Variants in YTHDC1 observed in about 807,000 individuals in gnomAD.
The protein encoded by YTHDC1 is YTH N6-methyladenosine RNA binding protein C1, also known as YTH domain-containing protein 1.
YTHDC1 carries 12 observed loss-of-function variants against 107.0 expected under a neutral mutation model. That is an observed-to-expected ratio of 0.11 (90% confidence interval 0.07 to 0.18). The LOEUF (loss-of-function observed/expected upper bound fraction) is 0.18. YTHDC1 is among the 10% of genes least tolerant of loss of function. The pLI, the probability that YTHDC1 is intolerant of heterozygous loss-of-function variation, is 1.00. For missense variants in YTHDC1, 635 were observed against 898.8 expected (o/e 0.71, Z 3.75); for synonymous variants, 280 against 289.5 (o/e 0.97, Z 0.33).
In YTHDC1 at chr4:68,338,423, AT is replaced by A. The variant is rs747447193; in HGVS notation, c.29-40del. 2.7e-6 allele frequency: 4 copies of A among 1,469,646 alleles called. No homozygotes were observed. In the African/African-American group the frequency reaches 5.7e-5, roughly 21 times the overall value. 91.0% of individuals were successfully genotyped at this position (1,469,646 alleles called of 1,614,324 possible). A position where few individuals can be genotyped will look rare whatever the true frequency, so the allele number is the denominator to read the frequency against. ...TAAAAATTAATAGGGAAAAATCACT[AT>A]CATTGAACATGTATTTTTGAGTACT... On this transcript the variant is annotated intron_variant, in intron 1 of 16. Coordinates refer to ENST00000344157, the MANE Select transcript of YTHDC1 (RefSeq NM_001031732.4).
At chr4:68,341,307 G>T (rs1009918990) in intron 1 of YTHDC1, among the ~76,000 whole-genome samples, 3 of 152,052 alleles carry the variant, frequency 2.0e-5, no homozygotes, top group Non-Finnish European at 2.9e-5. Context: ...TATTAAAAGG[G>T]CATATATACT....
intron 1 of YTHDC1, among the ~76,000 whole-genome samples, chr4:68,347,274 T>C (rs1725552948): frequency 6.6e-6 from 1 of 152,226 alleles, no homozygotes; most frequent in Non-Finnish European, 1.5e-5. Context: ...TTGTAAAAGA[T>C]TAATACAATT....
Position 68,314,066 on chromosome 4 carries a change from T to A in YTHDC1, c.*33A>T, listed in dbSNP as rs1201181691. The A allele has an allele frequency of 1.3e-6, 2 of 1,585,092 alleles. No individual in the cohort carries two copies. Among genetic ancestry groups the A allele is most frequent in the Non-Finnish European group, 1.7e-6 (2 of 1,166,002 alleles). ...CAAAAAAAAAATACAAGATTTTTTG[T>A]ATCTTTAAACAATCAGTGCTTCCAA... On this transcript the variant is annotated 3_prime_UTR_variant, in exon 17 of 17. Coordinates refer to ENST00000344157, the MANE Select transcript of YTHDC1 (RefSeq NM_001031732.4).
Position 68,337,458 on chromosome 4 carries a change from T to A in YTHDC1, c.460-8A>T. On this transcript the variant is annotated splice_polypyrimidine_tract_variant and splice_region_variant and intron_variant, in intron 3 of 16. Coordinates refer to ENST00000344157, the MANE Select transcript of YTHDC1 (RefSeq NM_001031732.4). ...CACTTCAAGCCCAATTCTCTGATGTTTAAAGAAAAAGGGAATCAGCAGTCA... is the reference window on the plus strand; with the variant it reads ...CACTTCAAGCCCAATTCTCTGATGTATAAAGAAAAAGGGAATCAGCAGTCA... 1.2e-6 allele frequency: 2 copies of A among 1,611,000 alleles called. No homozygotes were observed. Among genetic ancestry groups the A allele is most frequent in the Non-Finnish European group, 1.7e-6 (2 of 1,178,368 alleles).
chr4:68,338,158 T>G, intron 2 of YTHDC1, 125 bp downstream of exon 2: 3 of 1,293,586 alleles, frequency 2.3e-6, no homozygotes, highest in Non-Finnish European at 3.2e-6. Flanking sequence ...ACCAGTTTAT[T>G]ATGTACATTT....
At chr4:68,335,597 A>G (rs769640809) in intron 4 of YTHDC1, among the ~76,000 whole-genome samples, 29 of 152,126 alleles carry the variant, frequency 1.9e-4, no homozygotes, top group Non-Finnish European at 4.1e-4. Flanking sequence ...AACAATACAA[A>G]CATTAAAGTC....
chr4:68,329,881 A>G, intron 9 of YTHDC1, 121 bp downstream of exon 9: 1 of 692,010 alleles, frequency 1.4e-6, no homozygotes, highest in Non-Finnish European at 2.5e-6. Context: ...CCCACATTAG[A>G]TAAAGGTAGT....
chr4:68,318,779 G>A (rs1410011857), intron 13 of YTHDC1, 47 bp downstream of exon 13: 1 of 1,614,064 alleles, frequency 6.2e-7, no homozygotes, highest in Non-Finnish European at 8.5e-7. Context: ...TCATAAACTA[G>A]TTCCAAGAAT....
chr4:68,345,650 TTATAC>T (rs1331822100), intron 1 of YTHDC1, among the ~76,000 whole-genome samples: 2 of 152,162 alleles, frequency 1.3e-5, no homozygotes, highest in African/African-American at 4.8e-5. Context: ...TCTACCTTAC[TTATAC>T]TATAGGTAAA....
At position 68,322,901 on chromosome 4, in the gene YTHDC1, T is replaced by C. The variant is rs1405311629; in HGVS notation, c.1449A>G (p.Glu483=). The change falls in exon 11 of 17, where the codon GAA becomes GAG. Residue 483 remains glutamate, a synonymous_variant. Transcript: ENST00000344157. The surrounding 1 kb of genome is among the most constrained non-coding windows in gnomAD (Gnocchi z 4.8). ...IGRDGQEIEL[E]CGTQLCLLFP... is the part of the protein sequence containing the mutation. ...ACAGAAGACAAAGCTGGGTTCCACATTCAAGTTCAATTTCCTAGAATAGGA... is the reference window on the plus strand; with the variant it reads ...ACAGAAGACAAAGCTGGGTTCCACACTCAAGTTCAATTTCCTAGAATAGGA... 4 of 1,613,670 alleles carry C rather than the reference T, an allele frequency of 2.5e-6. No individual in the cohort carries two copies. The highest frequency in any genetic ancestry group is 3.4e-6 in the Non-Finnish European group (4 of 1,179,656).
rs1725909376 is a variant in YTHDC1, at chr4:68,349,834, G to A, written c.-81C>T. ...CGCGGGCGCCGCAGCCGCGGCAGAA[G>A]CACGGGCCCGTCCGTCAGTCCGTCT... On this transcript the variant is annotated 5_prime_UTR_variant, in exon 1 of 17. Coordinates refer to ENST00000344157, the MANE Select transcript of YTHDC1 (RefSeq NM_001031732.4). The A allele has an allele frequency of 8.1e-6, 13 of 1,596,736 alleles. No individual in the cohort carries two copies. Among genetic ancestry groups the A allele is most frequent in the South Asian group, 5.5e-5 (5 of 90,438 alleles).
Position 68,337,851 on chromosome 4 carries a change from T to C in YTHDC1, c.180A>G (p.Gln60=), listed in dbSNP as rs1185768261. 1.2e-6 allele frequency: 2 copies of C among 1,613,814 alleles called. No individual in the cohort carries two copies. The highest frequency in any genetic ancestry group is 2.7e-5 in the African/African-American group (2 of 74,930). The change falls in exon 3 of 17, where the codon CAA becomes CAG. Residue 60 remains glutamine (Q), a synonymous_variant. Coordinates refer to ENST00000344157, the MANE Select transcript of YTHDC1 (RefSeq NM_001031732.4). ...DRMESTDTKR[Q]KPSVHSRQLV... ...GTTGTCTAGAATGGACAGAAGGCTT[T>C]TGTCGTTTGGTATCAGTAGATTCCA...
chr4:68,332,907 T>G, intron 5 of YTHDC1, 60 bp from the exon 6 acceptor site: 1 of 1,419,896 alleles, frequency 7.0e-7, no homozygotes, highest in East Asian at 2.3e-5. Flanking sequence ...AGACAAAATT[T>G]CTACAGTCTT....
In YTHDC1 at chr4:68,349,793, G is replaced by C. The variant is rs1190490402; in HGVS notation, c.-40C>G. ...TTCCGCCGCTGCCACCGCCGCCGCC[G>C]CTTAGACGCGACTCGCGCGGGCGCC... On this transcript the variant is annotated 5_prime_UTR_variant, in exon 1 of 17. Transcript: ENST00000344157. The C allele has an allele frequency of 6.2e-7, 1 of 1,611,926 alleles. No homozygotes were observed. The highest frequency in any genetic ancestry group is 8.5e-7 in the Non-Finnish European group (1 of 1,179,316).
Position 68,312,883 on chromosome 4 carries a change from G to A in YTHDC1, c.*1216C>T, listed in dbSNP as rs1449458963. On this transcript the variant is annotated 3_prime_UTR_variant, in exon 17 of 17. Transcript: ENST00000344157. ...AAATTATTTCATAAACTGTTTTCTT[G>A]AGCGGCTCTATTTCTATGTTATAGT... The A allele has an allele frequency of 6.6e-6, 1 of 152,198 alleles. No homozygotes were observed. Among genetic ancestry groups the A allele is most frequent in the East Asian group, 1.9e-4 (1 of 5,200 alleles). The allele number at this position is 152,198 out of a possible 1,614,324, so 9.4% of individuals were successfully genotyped here.
intron 9 of YTHDC1, among the ~76,000 whole-genome samples, chr4:68,328,019 G>T (rs1723183637): frequency 6.6e-6 from 1 of 152,150 alleles, no homozygotes; most frequent in Non-Finnish European, 1.5e-5. Flanking sequence ...TAGACAAATT[G>T]AGTCTGTCTA....
At position 68,338,356 on chromosome 4, in the gene YTHDC1, A is replaced by G. The variant is rs1229096744; in HGVS notation, c.57T>C (p.Ile19=). ...KDGELNVLDD[I]LTEVPEQDDE... ...CATCTTGTTCTGGTACTTCAGTTAA[A>G]ATATCATCCAGAACATTAAGTTCTC... The change falls in exon 2 of 17, where the codon ATT becomes ATC. Residue 19 remains isoleucine (I), a synonymous_variant. Coordinates refer to ENST00000344157, the MANE Select transcript of YTHDC1 (RefSeq NM_001031732.4). 1 of 1,604,428 alleles carries G rather than the reference A, an allele frequency of 6.2e-7. No homozygotes were observed. Among genetic ancestry groups the G allele is most frequent in the African/African-American group, 1.3e-5 (1 of 74,368 alleles).
At position 68,347,843 on chromosome 4, in the gene YTHDC1, C is replaced by T. The variant is rs574307429; in HGVS notation, c.28+1883G>A. Among the ~76,000 whole-genome samples the T allele has an allele frequency of 7.9e-5, 12 of 152,230 alleles. No individual in the cohort carries two copies. The South Asian group carries it at 2.5e-3, about 32-fold the overall frequency. On this transcript the variant is annotated intron_variant, in intron 1 of 16. Coordinates refer to ENST00000344157, the MANE Select transcript of YTHDC1 (RefSeq NM_001031732.4). ...GATGATCATCAAGTAAATGATACAA[C>T]CTGTAGGTTACCTAGAACTCTCCCA...
intron 1 of YTHDC1, among the ~76,000 whole-genome samples, chr4:68,348,854 T>C (rs924491918): frequency 6.6e-6 from 1 of 152,212 alleles, no homozygotes; most frequent in Non-Finnish European, 1.5e-5. Context: ...TATGTTAATC[T>C]TAGGGTTGAA....
Sources: gnomAD v4.1 joint callset for allele counts (sites outside exome capture counted in the v4.1 genomes callset) on GRCh38, gnomAD v4.1.1 for gene constraint, Gnocchi (gnomAD v3.1) non-coding constraint, MANE v1.5 for transcripts, NCBI Gene and HGNC (gene_info 2026-07-23, HGNC 2026-07-21) for gene names.